The following LINGO2 variants were observed in gnomAD, a reference collection of about 807,000 sequenced individuals.
The protein encoded by LINGO2 is leucine rich repeat and Ig domain containing 2.
Under a neutral mutation model 30.6 loss-of-function variants are expected in LINGO2, and 14 were observed. That is an observed-to-expected ratio of 0.46 (90% CI 0.30 to 0.72). The LOEUF (loss-of-function observed/expected upper bound fraction) is 0.72, where lower values mean the gene tolerates loss of function less well. Among genes scored for constraint, LINGO2 ranks in the 30% least tolerant of loss-of-function variants. The pLI is 0.07. For missense variants in LINGO2, 729 were observed against 751.7 expected (o/e 0.97, Z 0.35); for synonymous variants, 317 against 288.5 (o/e 1.10, Z -1.00).
intron 4 of LINGO2, among the ~76,000 whole-genome samples, chr9:28,046,691 C>G (rs1252586185): frequency 6.6e-6 from 1 of 151,986 alleles, no homozygotes; most frequent in African/African-American, 2.4e-5. Context: ...TTATTTTAAC[C>G]ACACCTAAAG....
chr9:29,181,758 T>C, the LINGO2 span, among the ~76,000 whole-genome samples: 1 of 151,816 alleles, frequency 6.6e-6, no homozygotes, highest in East Asian at 1.9e-4. Flanking sequence ...CAATGTGACG[T>C]ACCACACAGC....
intron 4 of LINGO2, among the ~76,000 whole-genome samples, chr9:28,215,653 T>TTG (rs138062430): frequency 0.078 from 11,796 of 151,356 alleles, 651 homozygotes; most frequent in East Asian, 0.21. Context: ...GCATGTGTCT[T>TTG]TGTGTGTGTG....
At chr9:28,570,312 A>T (rs2135589483) in intron 1 of LINGO2, among the ~76,000 whole-genome samples, 1 of 152,110 alleles carries the variant, frequency 6.6e-6, no homozygotes, top group South Asian at 2.1e-4. Flanking sequence ...ATGACATGTT[A>T]ACATTTGTTT....
intron 1 of LINGO2, among the ~76,000 whole-genome samples, chr9:28,515,432 T>G (rs1820583581): frequency 6.6e-6 from 1 of 152,084 alleles, no homozygotes; most frequent in South Asian, 2.1e-4. Context: ...GCTCTCTATC[T>G]CCTGACGTCG....
At chr9:28,006,347 C>A (rs552385734) in intron 5 of LINGO2, among the ~76,000 whole-genome samples, 227 of 149,694 alleles carry the variant, frequency 1.5e-3, no homozygotes, top group Non-Finnish European at 2.7e-3. Flanking sequence ...AAAATCCTTA[C>A]CAGAGATCAA....
chr9:28,961,485 C>A, the LINGO2 span, among the ~76,000 whole-genome samples: 1 of 152,088 alleles, frequency 6.6e-6, no homozygotes, highest in Non-Finnish European at 1.5e-5. Flanking sequence ...CATATCCTTT[C>A]CTTTTGGGCT....
intron 4 of LINGO2, among the ~76,000 whole-genome samples, chr9:28,235,742 G>A (rs547133189): frequency 6.6e-6 from 1 of 152,214 alleles, no homozygotes; most frequent in East Asian, 1.9e-4. Context: ...TGATCAAGCA[G>A]AAAGAATTAG....
At chr9:28,844,683 A>G in the LINGO2 span, among the ~76,000 whole-genome samples, 2 of 151,822 alleles carry the variant, frequency 1.3e-5, no homozygotes, top group Non-Finnish European at 2.9e-5. Flanking sequence ...CAAAACTTCA[A>G]TATGGGATCA....
At chr9:28,497,021 G>C (rs1819660814) in intron 1 of LINGO2, among the ~76,000 whole-genome samples, 1 of 152,208 alleles carries the variant, frequency 6.6e-6, no homozygotes, top group Non-Finnish European at 1.5e-5. Flanking sequence ...TTTCTGCCAA[G>C]AGATCCGCAG....
chr9:28,623,366 G>C (rs1826501274), intron 1 of LINGO2, among the ~76,000 whole-genome samples: 1 of 152,026 alleles, frequency 6.6e-6, no homozygotes, highest in African/African-American at 2.4e-5. Context: ...TTTGATTTTT[G>C]TATATGGAGA....
chr9:28,258,316 G>C (rs571761903), intron 4 of LINGO2, among the ~76,000 whole-genome samples: 1 of 151,968 alleles, frequency 6.6e-6, no homozygotes, highest in Non-Finnish European at 1.5e-5. Context: ...CCCATCCTAA[G>C]AGAAAACTAC....
At chr9:28,914,145 CA>C in the LINGO2 span, among the ~76,000 whole-genome samples, 1 of 152,080 alleles carries the variant, frequency 6.6e-6, no homozygotes, top group Admixed American at 6.5e-5. Context: ...CCATTAGCTA[CA>C]ATACAATGTG....
the LINGO2 span, among the ~76,000 whole-genome samples, chr9:29,071,152 A>T: frequency 1.0e-5 from 1 of 99,328 alleles, no homozygotes; most frequent in African/African-American, 4.1e-5. Flanking sequence ...CATCACAGAG[A>T]ATTATTGTAT....
In LINGO2 at chr9:28,471,084, T is replaced by G. The variant is rs531155072; in HGVS notation, c.-279+4856A>C. 3.3e-4 allele frequency among the ~76,000 whole-genome samples: 50 copies of G among 152,172 alleles called. No homozygotes were observed. The Middle Eastern group carries it at 0.024, about 72-fold the overall frequency. On this transcript the variant is annotated intron_variant, in intron 2 of 5. Coordinates refer to ENST00000379992, the Ensembl canonical transcript of LINGO2. ...TCTTAATGCCTCTTCTAAATTTCCA[T>G]GTACCTTTTAACTTAGAGAAAGCCA...
chr9:28,411,133 C>T (rs1822744449), intron 2 of LINGO2, among the ~76,000 whole-genome samples: 1 of 146,546 alleles, frequency 6.8e-6, no homozygotes, highest in Non-Finnish European at 1.5e-5. Context: ...ATTAGGAGAG[C>T]CTTCTAAACA....
At chr9:29,173,341 C>T in the LINGO2 span, among the ~76,000 whole-genome samples, 1 of 152,050 alleles carries the variant, frequency 6.6e-6, no homozygotes. Flanking sequence ...TTTATATTAA[C>T]ATCAATAGAC....
At chr9:28,648,227 T>C (rs1215766604) in intron 1 of LINGO2, among the ~76,000 whole-genome samples, 2 of 152,102 alleles carry the variant, frequency 1.3e-5, no homozygotes, top group African/African-American at 2.4e-5. Context: ...AAAAATATAA[T>C]ATGTAATCCA....
the LINGO2 span, among the ~76,000 whole-genome samples, chr9:29,180,185 G>A: frequency 6.6e-6 from 1 of 152,094 alleles, no homozygotes; most frequent in Non-Finnish European, 1.5e-5. Context: ...ACATAAACAT[G>A]ACAATGGAGA....
intron 4 of LINGO2, among the ~76,000 whole-genome samples, chr9:28,272,406 T>C (rs935867280): frequency 1.4e-4 from 22 of 151,930 alleles, no homozygotes; most frequent in Non-Finnish European, 8.8e-5. Context: ...AGCTTATTCC[T>C]GCTTCAGAGC....
Sources: allele counts gnomAD v4.1 joint callset (sites outside exome capture counted in the v4.1 genomes callset), GRCh38; gene constraint gnomAD v4.1.1; transcripts MANE v1.5; gene names NCBI Gene and HGNC (gene_info 2026-07-23, HGNC 2026-07-21).